TKTL1: variants seen among roughly 807,000 people sequenced by gnomAD.
TKTL1 encodes the protein transketolase like 1, also known as transketolase-like protein 1.
Under a neutral mutation model 39.3 loss-of-function variants are expected in TKTL1, and 1 was observed. That is an observed-to-expected ratio of 0.03 (90% CI 0.01 to 0.12). TKTL1 has a LOEUF of 0.12. Among genes scored for constraint, TKTL1 ranks in the 10% least tolerant of loss-of-function variants. The probability of loss-of-function intolerance (pLI) is 1.00; values close to 1 mark genes in which losing one functional copy is unlikely to be tolerated. For synonymous variants in TKTL1, 262 were observed against 193.8 expected (o/e 1.35, Z -2.92); for missense variants, 575 against 509.6 (o/e 1.13, Z -1.24).
At chrX:154,304,607 C>T (rs1425189604) in intron 1 of TKTL1, among the ~76,000 whole-genome samples, 2 of 108,081 alleles carry the variant, frequency 1.9e-5, no homozygotes, top group Non-Finnish European at 3.9e-5. Context: ...TCGCGGGTCC[C>T]CATTAAGAAA....
intron 1 of TKTL1, among the ~76,000 whole-genome samples, chrX:154,300,010 A>ATTTTTTTTTTTTTTTT (rs1169453325): frequency 1.2e-5 from 1 of 86,683 alleles, no homozygotes. Flanking sequence ...TACTTTTAGT[A>ATTTTTTTTTTTTTTTT]TTTTTTTTTT....
intron 7 of TKTL1, among the ~76,000 whole-genome samples, chrX:154,316,591 A>G (rs2067402083): frequency 9.1e-6 from 1 of 110,268 alleles, no homozygotes; most frequent in African/African-American, 3.3e-5. Flanking sequence ...TAGAATACAT[A>G]TTTCTGGATT....
chrX:154,310,796 A>G (rs2067350690), intron 3 of TKTL1, 40 bp from the exon 4 acceptor site: 1 of 1,135,345 alleles, frequency 8.8e-7, no homozygotes, highest in African/African-American at 1.8e-5. Flanking sequence ...GGCCCAGATG[A>G]TCCCCCACAG....
chrX:154,301,733 G>T (rs2067274763), intron 1 of TKTL1, among the ~76,000 whole-genome samples: 1 of 108,654 alleles, frequency 9.2e-6, no homozygotes, highest in Non-Finnish European at 1.9e-5. Flanking sequence ...CAAAGCAAGA[G>T]GTTTTAGTCC....
intron 3 of TKTL1, 137 bp downstream of exon 3, chrX:154,309,579 T>C: frequency 1.9e-6 from 1 of 526,849 alleles, no homozygotes; most frequent in Non-Finnish European, 3.2e-6. Flanking sequence ...TGGTGACCCC[T>C]CTGGAAGGCC....
chrX:154,316,036 C>T (rs2067396969), intron 7 of TKTL1, among the ~76,000 whole-genome samples: 1 of 111,864 alleles, frequency 8.9e-6, no homozygotes, highest in Non-Finnish European at 1.9e-5. Flanking sequence ...GCCAGCAGGT[C>T]TTATGTGACC....
intron 1 of TKTL1, among the ~76,000 whole-genome samples, chrX:154,298,366 A>G (rs1218984812): frequency 2.7e-5 from 3 of 111,248 alleles, no homozygotes; most frequent in Non-Finnish European, 5.7e-5. Flanking sequence ...ACAGGTGCAC[A>G]CCACCATGCC....
At chrX:154,320,410 A>AGGG (rs782201533) in intron 7 of TKTL1, 27 of 252,827 alleles carry the variant, frequency 1.1e-4, no homozygotes, top group African/African-American at 7.1e-4. Context: ...GTAGCACAAG[A>AGGG]GGGGAGGAGG....
At chrX:154,320,992 G>A (rs880003556) in intron 8 of TKTL1, 79 bp downstream of exon 8, 47 of 1,040,123 alleles carry the variant, frequency 4.5e-5, no homozygotes, top group South Asian at 4.3e-4. Flanking sequence ...GTTAAACCAC[G>A]AATTTCCTTA....
At position 154,315,177 on chromosome X, in the gene TKTL1, C is replaced by G. The variant is rs373153456; in HGVS notation, c.869C>G (p.Ala290Gly). The change falls in exon 7 of 13, where the codon GCT (alanine) becomes GGT (glycine). Residue 290 changes from alanine to glycine, a missense_variant. Ala to Gly is a moderately conservative substitution (Grantham distance 60, BLOSUM62 0). Coordinates refer to ENST00000369915, the MANE Select transcript of TKTL1 (RefSeq NM_012253.4). Reference protein sequence around the residue: ...PPDYRVGDKIATRKACGLALA... With the variant: ...PPDYRVGDKIGTRKACGLALA... Reference sequence around the variant, plus strand: ...CTGATTGTCTCTGTCTTCTAGATAGCTACTCGGAAAGCATGCGGTCTGGCT... The same window carrying G: ...CTGATTGTCTCTGTCTTCTAGATAGGTACTCGGAAAGCATGCGGTCTGGCT... The G allele has an allele frequency of 4.0e-5, 48 of 1,207,803 alleles. No individual in the cohort carries two copies. The highest frequency in any genetic ancestry group is 4.8e-5 in the Non-Finnish European group (43 of 894,044).
intron 4 of TKTL1, 23 bp from the exon 5 acceptor site, chrX:154,311,088 C>G: frequency 8.3e-7 from 1 of 1,210,928 alleles, no homozygotes; most frequent in Non-Finnish European, 1.1e-6. Context: ...CTCTTGTAAC[C>G]CAGCCTGCTC....
Position 154,327,573 on chromosome X carries a change from T to C in TKTL1, c.1402-18T>C, listed in dbSNP as rs1369161138. 2 of 1,193,053 alleles carry C rather than the reference T, an allele frequency of 1.7e-6. No individual in the cohort carries two copies. The highest frequency in any genetic ancestry group is 3.5e-5 in the African/African-American group (2 of 56,781). ...TGTGTAGTAACCACGGCATTCTGTT[T>C]TGCTGGCACTATACCAGGTCCTCCG... On this transcript the variant is annotated intron_variant, in intron 10 of 12. Transcript: ENST00000369915.
intron 1 of TKTL1, among the ~76,000 whole-genome samples, chrX:154,299,890 C>T (rs1468926054): frequency 4.5e-5 from 5 of 111,785 alleles, no homozygotes; most frequent in African/African-American, 6.5e-5. Context: ...ATTGTGCTGC[C>T]TATAAACATG....
At position 154,311,020 on chromosome X, in the gene TKTL1, G is replaced by A. The variant is rs2067353196; in HGVS notation, c.535G>A (p.Ala179Thr). The change falls in exon 4 of 13, where the codon GCC (alanine) becomes ACC (threonine). Residue 179 changes from alanine to threonine, a missense_variant. Coordinates refer to ENST00000369915, the MANE Select transcript of TKTL1 (RefSeq NM_012253.4). The part of the protein sequence containing the change: ...CINIYQRRCE[A>T]FGWNTYVVDG... ...AAACATCTATCAGAGGCGCTGCGAAGCCTTTGGGTAACTGTATTCTCTTGT... is the reference window on the plus strand; with the variant it reads ...AAACATCTATCAGAGGCGCTGCGAAACCTTTGGGTAACTGTATTCTCTTGT... 3 of 1,212,030 alleles carry A rather than the reference G, an allele frequency of 2.5e-6. No individual in the cohort carries two copies. The highest frequency in any genetic ancestry group is 3.4e-6 in the Non-Finnish European group (3 of 895,458).
rs781791468 is a variant in TKTL1 at position 154,312,631 on chromosome X, C to T, written c.722C>T (p.Ala241Val). ...GCAAAGCCAATGCCGAGAGAAAGAG[C>T]AGATGCCATTATCAAATTAATTGAG... ...WHAKPMPRER[A>V]DAIIKLIESQ... Residue 241 changes from alanine to valine, a missense_variant, in exon 6 of 13, where the codon GCA (alanine) becomes GTA (valine). By Grantham distance (64) the Ala-to-Val change is moderately conservative (BLOSUM62 0). Transcript: ENST00000369915. 8.3e-7 allele frequency: 1 copy of T among 1,209,162 alleles called. No individual in the cohort carries two copies. The highest frequency in any genetic ancestry group is 1.1e-6 in the Non-Finnish European group (1 of 894,777).
chrX:154,316,770 G>GT (rs2067403719), intron 7 of TKTL1, among the ~76,000 whole-genome samples: 1 of 106,521 alleles, frequency 9.4e-6, no homozygotes, highest in Non-Finnish European at 2.0e-5. Context: ...TTTTTTTGGG[G>GT]GTTTTTTTTT....
intron 11 of TKTL1, 21 bp from the exon 12 acceptor site, chrX:154,327,818 C>T (rs1484801009): frequency 2.5e-6 from 3 of 1,210,989 alleles, no homozygotes; most frequent in African/African-American, 1.7e-5. Context: ...TTGTACCAAG[C>T]TGGTTTTTGC....
rs147154998 is a variant in TKTL1 at position 154,330,211 on chromosome X, G to A, written c.*523G>A. The A allele has an allele frequency of 3.6e-4, 41 of 114,803 alleles. No individual in the cohort carries two copies. The highest frequency in any genetic ancestry group is 7.0e-4 in the South Asian group (2 of 2,872). The allele number at this position is 114,803 out of a possible 1,213,427, so 9.5% of individuals were successfully genotyped here. Reference sequence around the variant, plus strand: ...CTGCAGCTGCCCTGGAATTCCCTTCGCTGTTTGCCTTCATCTCCCTCCACG... The same window carrying A: ...CTGCAGCTGCCCTGGAATTCCCTTCACTGTTTGCCTTCATCTCCCTCCACG... On this transcript the variant is annotated 3_prime_UTR_variant, in exon 13 of 13. Transcript: ENST00000369915.
intron 12 of TKTL1, among the ~76,000 whole-genome samples, chrX:154,328,165 C>A (rs1192194450): frequency 2.7e-5 from 3 of 111,637 alleles, no homozygotes; most frequent in African/African-American, 9.8e-5. Context: ...CAGGGCGGGT[C>A]AGTGGCAACA....
Sources: gnomAD v4.1 joint callset for allele counts (sites outside exome capture counted in the v4.1 genomes callset) on GRCh38, gnomAD v4.1.1 for gene constraint, MANE v1.5 for transcripts, NCBI Gene and HGNC (gene_info 2026-07-23, HGNC 2026-07-21) for gene names.